RAI14: variants seen among roughly 807,000 people sequenced by gnomAD.
The protein encoded by RAI14 is ankycorbin.
RAI14 carries 45 observed loss-of-function variants against 115.4 expected under a neutral mutation model. The ratio of observed to expected loss-of-function variants is 0.39; its 90% CI spans 0.31 to 0.50. RAI14 has a LOEUF of 0.50. Ranked by LOEUF, RAI14 falls within the 20% of genes least tolerant of loss-of-function variation. The probability of loss-of-function intolerance (pLI) is 0.85; values close to 1 mark genes in which losing one functional copy is unlikely to be tolerated. For synonymous variants in RAI14, 371 were observed against 415.4 expected, an observed-to-expected ratio of 0.89 and a Z score of 1.30; for missense variants, 939 against 1,131.2, an observed-to-expected ratio of 0.83 and a Z score of 2.44.
Position 34,824,188 on chromosome 5 carries a change from A to C in RAI14, c.2346A>C (p.Ala782=). The C allele has an allele frequency of 6.2e-7, 1 of 1,614,222 alleles. No homozygotes were observed. The highest frequency in any genetic ancestry group is 8.5e-7 in the Non-Finnish European group (1 of 1,180,034). ...AAGAGAAAGCTGCTATGACTGATGC[A>C]ATGGTACCTCGGTCTTCCTATGAAA... ...LLEEKAAMTD[A]MVPRSSYEKL... Residue 782 remains alanine (A), a synonymous_variant, in exon 15 of 18, where the codon GCA becomes GCC. Transcript: ENST00000265109.
chr5:34,810,244 G>GA (rs1480965451), intron 7 of RAI14, among the ~76,000 whole-genome samples: 4 of 151,336 alleles, frequency 2.6e-5, no homozygotes, highest in Admixed American at 1.3e-4. Context: ...GTATATTCCA[G>GA]AAAAAAAACA....
chr5:34,811,046 A>G lies in RAI14; in HGVS notation c.485A>G (p.Asn162Ser). Residue 162 changes from asparagine (N) to serine (S), a missense_variant, in exon 8 of 18, where the codon AAT becomes AGT. Asn to Ser is a conservative substitution (Grantham distance 46, BLOSUM62 1). Coordinates refer to ENST00000265109, the MANE Select transcript of RAI14 (RefSeq NM_015577.3). Reference sequence around the variant, plus strand: ...ATACCGCTGCTTCTTGCTGTACAAAATGGTCACAGTGAGATCTGTCACTTT... The same window carrying G: ...ATACCGCTGCTTCTTGCTGTACAAAGTGGTCACAGTGAGATCTGTCACTTT... ...GNIPLLLAVQ[N>S]GHSEICHFLL... 1 of 1,614,070 alleles carries G rather than the reference A, an allele frequency of 6.2e-7. No homozygotes were observed. Among genetic ancestry groups the G allele is most frequent in the Non-Finnish European group, 8.5e-7 (1 of 1,179,996 alleles).
chr5:34,797,074 G>C (rs1461752822), intron 4 of RAI14, among the ~76,000 whole-genome samples: 1 of 152,134 alleles, frequency 6.6e-6, no homozygotes, highest in Non-Finnish European at 1.5e-5. Context: ...TCTCCAGCCT[G>C]GGATTCTGCC....
intron 2 of RAI14, among the ~76,000 whole-genome samples, chr5:34,691,693 A>G (rs986342371): frequency 1.3e-5 from 2 of 152,194 alleles, no homozygotes; most frequent in African/African-American, 4.8e-5. Context: ...CGAGGGCTTC[A>G]CGGTTTACTT....
Position 34,665,079 on chromosome 5 carries a change from G to A in RAI14, c.-49+8604G>A, listed in dbSNP as rs406082. Among the ~76,000 whole-genome samples the A allele has an allele frequency of 6.7e-3, 200 of 30,044 alleles. 10 individuals are homozygous for A. Among genetic ancestry groups the A allele is most frequent in the Middle Eastern group, 0.016 (1 of 64 alleles). The allele number at this position is 30,044 out of a possible 152,430, so 19.7% of individuals were successfully genotyped here. A position where few individuals can be genotyped will look rare whatever the true frequency, so the allele number is the denominator to read the frequency against. On this transcript the variant is annotated intron_variant, in intron 1 of 17. Transcript: ENST00000265109. Reference sequence around the variant, plus strand: ...TGTGTATATATATGTGTATATATATGTGTATATATATGTGTATATATATGT... The same window carrying A: ...TGTGTATATATATGTGTATATATATATGTATATATATGTGTATATATATGT...
At chr5:34,787,999 G>A (rs1043051942) in intron 3 of RAI14, among the ~76,000 whole-genome samples, 14 of 136,336 alleles carry the variant, frequency 1.0e-4, no homozygotes, top group South Asian at 7.0e-4. Context: ...TCACTGTAGC[G>A]TCTACCTTCC....
chr5:34,803,921 T>A, intron 5 of RAI14, 145 bp downstream of exon 5: 1 of 704,754 alleles, frequency 1.4e-6, no homozygotes. Flanking sequence ...GCTTCATGAT[T>A]GAAATGATAG....
At chr5:34,702,619 C>G (rs1025495055) in intron 2 of RAI14, among the ~76,000 whole-genome samples, 3 of 152,262 alleles carry the variant, frequency 2.0e-5, no homozygotes, top group Non-Finnish European at 2.9e-5. Context: ...TCTCACTTCT[C>G]TACTACAAAC....
In RAI14 at chr5:34,686,905, C is replaced by T; in HGVS notation, c.-15C>T. 1 of 1,613,130 alleles carries T rather than the reference C, an allele frequency of 6.2e-7. No individual in the cohort carries two copies. The highest frequency in any genetic ancestry group is 8.5e-7 in the Non-Finnish European group (1 of 1,179,520). On this transcript the variant is annotated 5_prime_UTR_variant, in exon 2 of 18. Transcript: ENST00000265109. ...AAGTCTCCTCTAGAGCTTTGGAAGG[C>T]TGAATGCACTAAACATGAAGAGCTT...
rs1283766788 is a variant in RAI14, at chr5:34,811,774, C to T, written c.565C>T (p.Leu189Phe). 1 of 1,611,930 alleles carries T rather than the reference C, an allele frequency of 6.2e-7. No homozygotes were observed. Among genetic ancestry groups the T allele is most frequent in the East Asian group, 2.2e-5 (1 of 44,868 alleles). ...NSRNKSGRTA[L>F]MLACEIGSSN... ...GTCTCTTTTTTCCTTTAGAACTGCTCTCATGCTGGCCTGTGAGATTGGCAG... is the reference window on the plus strand; with the variant it reads ...GTCTCTTTTTTCCTTTAGAACTGCTTTCATGCTGGCCTGTGAGATTGGCAG... The change falls in exon 9 of 18, where the codon CTC (leucine) becomes TTC (phenylalanine). Residue 189 changes from leucine to phenylalanine, a missense_variant. Transcript: ENST00000265109.
chr5:34,808,768 C>A, intron 7 of RAI14, 114 bp downstream of exon 7: 2 of 994,842 alleles, frequency 2.0e-6, no homozygotes, highest in Non-Finnish European at 3.0e-6. Context: ...TTTTTGGCAT[C>A]AGGGGCTGAT....
intron 12 of RAI14, 66 bp from the exon 13 acceptor site, chr5:34,818,731 T>G: frequency 7.2e-7 from 1 of 1,380,804 alleles, no homozygotes; most frequent in South Asian, 1.2e-5. Flanking sequence ...GAGGAAAGTC[T>G]GCTTGATTCT....
At chr5:34,719,340 T>C (rs552322658) in intron 2 of RAI14, among the ~76,000 whole-genome samples, 7 of 152,290 alleles carry the variant, frequency 4.6e-5, no homozygotes, top group Admixed American at 2.6e-4. Context: ...ATCCATCCCC[T>C]GTCATGGTCT....
rs1269981668 is a variant in RAI14 at position 34,811,856 on chromosome 5, C to A, written c.647C>A (p.Ser216Tyr). 2.5e-6 allele frequency: 4 copies of A among 1,612,694 alleles called. No individual in the cohort carries two copies. The highest frequency in any genetic ancestry group is 3.4e-6 in the Non-Finnish European group (4 of 1,179,010). Residue 216 changes from serine (S) to tyrosine (Y), a missense_variant, in exon 9 of 18, where the codon TCT (serine) becomes TAT (tyrosine). Ser to Tyr is a moderately radical substitution (Grantham distance 144). Coordinates refer to ENST00000265109, the MANE Select transcript of RAI14 (RefSeq NM_015577.3). ...GGTGCAGACCTAAACCTTGTAGATT[C>A]TCTTGGATACAATGCCTTACATTAT... Reference protein sequence around the residue: ...KKGADLNLVDSLGYNALHYSK... With the variant: ...KKGADLNLVDYLGYNALHYSK...
intron 2 of RAI14, among the ~76,000 whole-genome samples, chr5:34,745,610 C>T (rs912707278): frequency 2.0e-5 from 3 of 152,214 alleles, no homozygotes; most frequent in Non-Finnish European, 4.4e-5. Context: ...GCTTCACTCT[C>T]TGTCTTTTCA....
intron 2 of RAI14, among the ~76,000 whole-genome samples, chr5:34,731,937 A>C (rs1173729133): frequency 6.6e-6 from 1 of 152,206 alleles, no homozygotes; most frequent in Non-Finnish European, 1.5e-5. Flanking sequence ...TTTGCAGGGC[A>C]GTCATCCCAG....
intron 12 of RAI14, among the ~76,000 whole-genome samples, chr5:34,816,653 T>G (rs1413564976): frequency 2.0e-5 from 3 of 152,154 alleles, no homozygotes; most frequent in Admixed American, 2.0e-4. Flanking sequence ...TTATTTAGAA[T>G]TATTAAAGAT....
At position 34,814,566 on chromosome 5, in the gene RAI14, TTTTG is replaced by T. The variant is rs777131307; in HGVS notation, c.853-13_853-10del. The T allele has an allele frequency of 1.3e-6, 2 of 1,584,456 alleles. No individual in the cohort carries two copies. The highest frequency in any genetic ancestry group is 2.2e-5 in the South Asian group (2 of 90,368). On this transcript the variant is annotated splice_polypyrimidine_tract_variant and intron_variant, in intron 11 of 17. Transcript: ENST00000265109. ...ATACATTCTTTATTAATGATTTTCA[TTTTG>T]TTTCTTTTTTAGTTGAGTGATGTCT... is the stretch of plus-strand genomic sequence containing the variant.
At chr5:34,785,217 G>A (rs1262248857) in intron 3 of RAI14, among the ~76,000 whole-genome samples, 2 of 152,104 alleles carry the variant, frequency 1.3e-5, no homozygotes, top group African/African-American at 4.8e-5. Context: ...CATTTTAAAG[G>A]TATAGGTTCT....
Sources: allele counts gnomAD v4.1 joint callset (sites outside exome capture counted in the v4.1 genomes callset), GRCh38; gene constraint gnomAD v4.1.1; transcripts MANE v1.5; gene names NCBI Gene and HGNC (gene_info 2026-07-23, HGNC 2026-07-21).